The following CYB5RL variants were observed in gnomAD, a reference collection of about 807,000 sequenced individuals.
CYB5RL encodes cytochrome b5 reductase like.
A neutral mutation model predicts 37.5 loss-of-function variants in CYB5RL; 38 were observed. That is an observed-to-expected ratio of 1.01 (90% CI 0.78 to 1.33). The LOEUF is 1.33. CYB5RL is among the 40% of genes most tolerant of loss of function. The pLI is 0.00. For synonymous variants in CYB5RL, 141 were observed against 151.9 expected (o/e 0.93, Z 0.53); for missense variants, 388 against 394.4 (o/e 0.98, Z 0.14).
chr1:54,184,005 A>G (rs982007961), intron 6 of CYB5RL, 156 bp downstream of exon 6: 14 of 460,070 alleles, frequency 3.0e-5, no homozygotes, highest in Non-Finnish European at 5.0e-5. Flanking sequence ...ATAAATAAAT[A>G]AGTGTCTATT....
intron 7 of CYB5RL, among the ~76,000 whole-genome samples, chr1:54,178,490 T>C (rs779359146): frequency 1.3e-5 from 2 of 152,192 alleles, no homozygotes; most frequent in African/African-American, 2.4e-5. Context: ...CTCTAACCTA[T>C]GGGGGTGGCC....
intron 3 of CYB5RL, among the ~76,000 whole-genome samples, chr1:54,193,161 G>C (rs1416981582): frequency 6.6e-6 from 1 of 152,194 alleles, no homozygotes; most frequent in Non-Finnish European, 1.5e-5. Flanking sequence ...CACAGGATAT[G>C]GTACTTAGTA....
chr1:54,193,243 A>C (rs1557725237), intron 3 of CYB5RL, among the ~76,000 whole-genome samples: 2 of 152,228 alleles, frequency 1.3e-5, no homozygotes, highest in Non-Finnish European at 2.9e-5. Context: ...GGAACTACTC[A>C]AGGTGCTGAG....
Position 54,195,695 on chromosome 1 carries a change from A to T in CYB5RL, c.-79T>A. 1 of 1,482,846 alleles carries T rather than the reference A, an allele frequency of 6.7e-7. No homozygotes were observed. Among genetic ancestry groups the T allele is most frequent in the Non-Finnish European group, 9.1e-7 (1 of 1,104,296 alleles). The allele number at this position is 1,482,846 out of a possible 1,614,324, so 91.9% of individuals were successfully genotyped here. On this transcript the variant is annotated 5_prime_UTR_variant, in exon 3 of 8. Coordinates refer to ENST00000534324, the MANE Select transcript of CYB5RL (RefSeq NM_001031672.4). ...CCAGGCTCTATGAGACCACGGGCGC[A>T]GGCCCTGCTCCTTGGCCAGCCTGGG...
chr1:54,194,023 A>AATAATG (rs1553178037), intron 3 of CYB5RL, among the ~76,000 whole-genome samples: 2 of 147,486 alleles, frequency 1.4e-5, no homozygotes, highest in Non-Finnish European at 3.0e-5. Flanking sequence ...TAATAATAAT[A>AATAATG]ATAATGATAA....
At chr1:54,177,518 T>TTGTGC (rs1300375234) in intron 7 of CYB5RL, among the ~76,000 whole-genome samples, 1 of 152,140 alleles carries the variant, frequency 6.6e-6, no homozygotes, top group African/African-American at 2.4e-5. Context: ...TCACAGCACC[T>TTGTGC]TGTGCTGTGC....
At chr1:54,195,384 C>T in intron 3 of CYB5RL, 35 bp downstream of exon 3, 1 of 1,528,142 alleles carries the variant, frequency 6.5e-7, no homozygotes, top group Non-Finnish European at 8.8e-7. Context: ...TAGATTGTTG[C>T]CCTGGTGCTC....
At chr1:54,179,467 G>T in intron 6 of CYB5RL, 115 bp from the exon 7 acceptor site, 2 of 1,043,362 alleles carry the variant, frequency 1.9e-6, no homozygotes, top group South Asian at 1.5e-5. Flanking sequence ...GCCCTTCCTT[G>T]GTGTCCAACC....
chr1:54,179,614 G>T (rs1356946764), intron 6 of CYB5RL, among the ~76,000 whole-genome samples: 1 of 152,184 alleles, frequency 6.6e-6, no homozygotes, highest in Non-Finnish European at 1.5e-5. Flanking sequence ...AAGTGGCCTG[G>T]TTGCCTACTA....
intron 4 of CYB5RL, 71 bp downstream of exon 4, chr1:54,190,677 G>C (rs1643941929): frequency 6.5e-7 from 1 of 1,542,216 alleles, no homozygotes; most frequent in Admixed American, 2.0e-5. Context: ...ACGCTAGTTG[G>C]TCAAGGCCAG....
intron 5 of CYB5RL, 147 bp downstream of exon 5, chr1:54,187,504 TC>T: frequency 1.4e-6 from 1 of 722,512 alleles, no homozygotes; most frequent in African/African-American, 1.8e-5. Context: ...TTCCTTCTGT[TC>T]CAGGACAAAG....
intron 1 of CYB5RL, among the ~76,000 whole-genome samples, chr1:54,197,865 C>T (rs758793386): frequency 2.6e-5 from 4 of 151,424 alleles, no homozygotes; most frequent in Non-Finnish European, 5.9e-5. Flanking sequence ...GCTAAAAATA[C>T]AAAAACAAAA....
chr1:54,175,661 C>T (rs767416052), intron 7 of CYB5RL: 9 of 443,418 alleles, frequency 2.0e-5, no homozygotes, highest in Non-Finnish European at 3.2e-5. Flanking sequence ...ATTCAACCAA[C>T]TGTGGATTGA....
Position 54,170,670 on chromosome 1 carries a change from C to CAA in CYB5RL, c.*3947_*3948dup, listed in dbSNP as rs1268486752. The CAA allele has an allele frequency of 5.7e-6, 1 of 176,138 alleles. No individual in the cohort carries two copies. Among genetic ancestry groups the CAA allele is most frequent in the African/African-American group, 2.4e-5 (1 of 42,444 alleles). The allele number at this position is 176,138 out of a possible 1,614,324, so 10.9% of individuals were successfully genotyped here. A position where few individuals can be genotyped will look rare whatever the true frequency, so the allele number is the denominator to read the frequency against. ...TCGTGATCCACCTGCCTCGGCCTCC[C>CAA]AAAGTGCTGGGATTACAGGTGTGAG... On this transcript the variant is annotated 3_prime_UTR_variant, in exon 8 of 8. Coordinates refer to ENST00000534324, the MANE Select transcript of CYB5RL (RefSeq NM_001031672.4).
At chr1:54,199,339 C>T (rs1644052365) in intron 1 of CYB5RL, among the ~76,000 whole-genome samples, 2 of 152,144 alleles carry the variant, frequency 1.3e-5, no homozygotes, top group African/African-American at 4.8e-5. Flanking sequence ...GGGTGAGAAA[C>T]AGTTATTAAG....
In CYB5RL at chr1:54,195,412, C is replaced by A; in HGVS notation, c.198+7G>T. The A allele has an allele frequency of 6.3e-7, 1 of 1,577,172 alleles. No homozygotes were observed. The highest frequency in any genetic ancestry group is 1.3e-5 in the African/African-American group (1 of 74,472). On this transcript the variant is annotated splice_region_variant and intron_variant, in intron 3 of 7. Coordinates refer to ENST00000534324, the MANE Select transcript of CYB5RL (RefSeq NM_001031672.4). ...TGGTGCTCATATCGAGAAGCAGCCT[C>A]TCTCACCTGTGACTCTGGCCCACGC...
At chr1:54,188,837 A>G (rs547524126) in intron 4 of CYB5RL, among the ~76,000 whole-genome samples, 47 of 152,322 alleles carry the variant, frequency 3.1e-4, no homozygotes, top group Admixed American at 9.8e-4. Flanking sequence ...AGATTAAATA[A>G]GGCCCTGTCT....
chr1:54,195,714 G>T lies in CYB5RL; in HGVS notation c.-98C>A. On this transcript the variant is annotated splice_region_variant and 5_prime_UTR_variant, in exon 3 of 8. The change creates a new upstream start codon in the 5' untranslated region. Transcript: ENST00000534324. ...GGGCGCAGGCCCTGCTCCTTGGCCA[G>T]CCTGGGAGAGGGAAAACATGGGGGT... The T allele has an allele frequency of 7.3e-7, 1 of 1,367,054 alleles. No homozygotes were observed. Among genetic ancestry groups the T allele is most frequent in the Non-Finnish European group, 9.9e-7 (1 of 1,012,328 alleles). 84.7% of individuals were successfully genotyped at this position (1,367,054 alleles called of 1,614,324 possible).
chr1:54,190,586 C>T (rs781094048), intron 4 of CYB5RL, 162 bp downstream of exon 4: 2 of 808,460 alleles, frequency 2.5e-6, no homozygotes, highest in Non-Finnish European at 3.9e-6. Context: ...AATGCATTAT[C>T]TAGTTCAATC....
Sources: gnomAD v4.1 joint callset for allele counts (sites outside exome capture counted in the v4.1 genomes callset) on GRCh38, gnomAD v4.1.1 for gene constraint, MANE v1.5 for transcripts, NCBI Gene and HGNC (gene_info 2026-07-23, HGNC 2026-07-21) for gene names.